Variants in CSMD3 observed in about 807,000 individuals in gnomAD.
CSMD3 encodes the protein CUB and sushi domain-containing protein 3.
CSMD3 carries 177 observed loss-of-function variants against 435.2 expected under a neutral mutation model. That is an observed-to-expected ratio of 0.41 (90% CI 0.36 to 0.46). The LOEUF is 0.46. Ranked by LOEUF, CSMD3 falls within the 20% of genes least tolerant of loss-of-function variation. The pLI is 0.34. For synonymous variants in CSMD3, 1,656 were observed against 1,520.5 expected, an observed-to-expected ratio of 1.09 and a Z score of -2.07; for missense variants, 4,265 against 4,504.6, an observed-to-expected ratio of 0.95 and a Z score of 1.52.
At chr8:112,350,256 A>C (rs947789100) in intron 40 of CSMD3, among the ~76,000 whole-genome samples, 2 of 150,440 alleles carry the variant, frequency 1.3e-5, no homozygotes, top group African/African-American at 4.9e-5. Flanking sequence ...TGCAGAGTTA[A>C]GTCACACAAG....
At chr8:112,684,189 AT>A in intron 15 of CSMD3, among the ~76,000 whole-genome samples, 1 of 152,158 alleles carries the variant, frequency 6.6e-6, no homozygotes, top group South Asian at 2.1e-4. Context: ...ATAGATGCAT[AT>A]ACATGTCTAT....
At position 112,708,735 on chromosome 8, in the gene CSMD3, C is replaced by CAA. The variant is rs11393725; in HGVS notation, c.1973-18687_1973-18686dup. ...AGGACGATAGAGCAAAAAAAACCTACAAAAAAAAATCCAGGGAACTAAACC... is the reference window on the plus strand; with the variant it reads ...AGGACGATAGAGCAAAAAAAACCTACAAAAAAAAAAATCCAGGGAACTAAACC... On this transcript the variant is annotated intron_variant, in intron 13 of 70. Transcript: ENST00000297405. Among the ~76,000 whole-genome samples the CAA allele has an allele frequency of 2.2e-3, 303 of 140,348 alleles. 1 individual carries two copies. The highest frequency in any genetic ancestry group is 3.7e-3 in the Non-Finnish European group (238 of 64,586). 92.1% of individuals were successfully genotyped at this position (140,348 alleles called of 152,430 possible).
intron 35 of CSMD3, among the ~76,000 whole-genome samples, chr8:112,405,232 T>TACACAC (rs1563904527): frequency 1.9e-5 from 2 of 105,366 alleles, no homozygotes; most frequent in East Asian, 5.3e-4. Flanking sequence ...TATATATATA[T>TACACAC]ATATATATAT....
chr8:113,140,990 C>T (rs964213683), intron 4 of CSMD3, among the ~76,000 whole-genome samples: 1 of 150,348 alleles, frequency 6.7e-6, no homozygotes, highest in Non-Finnish European at 1.5e-5. Context: ...AAATTATTGA[C>T]ATAAGGAATG....
intron 1 of CSMD3, among the ~76,000 whole-genome samples, chr8:113,426,454 C>A (rs528631447): frequency 6.7e-6 from 1 of 150,274 alleles, no homozygotes; most frequent in South Asian, 2.1e-4. Context: ...CTCAAATATC[C>A]TTCAAATAAG....
At chr8:112,408,632 C>T (rs1832065756) in intron 33 of CSMD3, among the ~76,000 whole-genome samples, 1 of 151,830 alleles carries the variant, frequency 6.6e-6, no homozygotes, top group African/African-American at 2.4e-5. Context: ...TACATATTGC[C>T]TCATTCTTCA....
At chr8:112,547,786 CAGAGA>C (rs1433584406) in intron 27 of CSMD3, among the ~76,000 whole-genome samples, 2 of 151,130 alleles carry the variant, frequency 1.3e-5, no homozygotes, top group Admixed American at 6.6e-5. Flanking sequence ...TGGAAAGCAG[CAGAGA>C]GAGAGAGAGT....
At chr8:113,131,975 G>A (rs933266957) in intron 4 of CSMD3, among the ~76,000 whole-genome samples, 3 of 152,144 alleles carry the variant, frequency 2.0e-5, no homozygotes, top group African/African-American at 4.8e-5. Flanking sequence ...TATGAGACAT[G>A]GAGTCAAAGG....
At chr8:113,421,588 T>A (rs1245353841) in intron 1 of CSMD3, among the ~76,000 whole-genome samples, 1 of 152,144 alleles carries the variant, frequency 6.6e-6, no homozygotes, top group East Asian at 1.9e-4. Context: ...CCCTGAAAGT[T>A]TGGCACTTTG....
chr8:112,685,814 G>C, intron 14 of CSMD3, 82 bp from the exon 15 acceptor site: 3 of 882,710 alleles, frequency 3.4e-6, no homozygotes, highest in Non-Finnish European at 5.5e-6. Flanking sequence ...CTACAATTAT[G>C]ATAATCAATT....
intron 9 of CSMD3, among the ~76,000 whole-genome samples, chr8:112,939,416 C>T (rs1038417681): frequency 6.6e-6 from 1 of 152,022 alleles, no homozygotes; most frequent in Non-Finnish European, 1.5e-5. Context: ...GTTCATGAGT[C>T]TGAGATAATC....
intron 52 of CSMD3, among the ~76,000 whole-genome samples, chr8:112,303,979 A>C (rs1821171063): frequency 6.6e-6 from 1 of 152,172 alleles, no homozygotes; most frequent in South Asian, 2.1e-4. Context: ...ACAGACAATA[A>C]ATGAATGTAA....
At chr8:112,933,642 T>C (rs112378195) in intron 9 of CSMD3, among the ~76,000 whole-genome samples, 5,134 of 152,274 alleles carry the variant, frequency 0.034, 145 homozygotes, top group Middle Eastern at 0.051. Flanking sequence ...TGTAAACTGC[T>C]ACCTTAAAGT....
rs566055851 is a variant in CSMD3, at chr8:112,224,211, C to T, written c.*560G>A. The T allele has an allele frequency of 3.2e-5, 5 of 154,468 alleles. No homozygotes were observed. Among genetic ancestry groups the T allele is most frequent in the South Asian group, 2.0e-4 (1 of 5,038 alleles). 9.6% of individuals were successfully genotyped at this position (154,468 alleles called of 1,614,324 possible). ...TTGGAATGGGAAACCTTATGTCTTC[C>T]GAGGCATAAACTAGCTCATAAACAT... On this transcript the variant is annotated 3_prime_UTR_variant, in exon 71 of 71. Coordinates refer to ENST00000297405, the MANE Select transcript of CSMD3 (RefSeq NM_198123.2).
At position 113,381,820 on chromosome 8, in the gene CSMD3, A is replaced by G. The variant is rs543349060; in HGVS notation, c.178+54857T>C. On this transcript the variant is annotated intron_variant, in intron 1 of 70. Transcript: ENST00000297405. ...AAAGAAAATAACTCATAATCCCACC[A>G]TACAGAGATAACCTATGCTACTATT... Among the ~76,000 whole-genome samples the G allele has an allele frequency of 1.1e-3, 165 of 152,292 alleles. 1 individual carries two copies. The highest frequency in any genetic ancestry group is 1.9e-3 in the Non-Finnish European group (130 of 68,004).
chr8:113,176,025 A>C (rs2092342027), intron 3 of CSMD3, among the ~76,000 whole-genome samples: 1 of 152,212 alleles, frequency 6.6e-6, no homozygotes, highest in Middle Eastern at 3.4e-3. Context: ...CCTAAAGCAA[A>C]ATGGAAATCA....
chr8:112,812,562 C>A (rs1288829291), intron 12 of CSMD3, among the ~76,000 whole-genome samples: 2 of 152,148 alleles, frequency 1.3e-5, no homozygotes, highest in East Asian at 3.9e-4. Context: ...TTAATAAACT[C>A]ACTTCTGCTC....
chr8:112,865,155 C>A (rs904084193), intron 10 of CSMD3, among the ~76,000 whole-genome samples: 2 of 152,126 alleles, frequency 1.3e-5, no homozygotes, highest in Non-Finnish European at 2.9e-5. Flanking sequence ...TTGGAAAATG[C>A]CTAGGAATAA....
chr8:113,260,339 G>A (rs545788030), intron 3 of CSMD3, among the ~76,000 whole-genome samples: 11 of 152,044 alleles, frequency 7.2e-5, no homozygotes, highest in Admixed American at 5.3e-4. Flanking sequence ...ATGGCAACAC[G>A]TTTTGTTCAG....
Sources: allele counts gnomAD v4.1 joint callset (sites outside exome capture counted in the v4.1 genomes callset), GRCh38; gene constraint gnomAD v4.1.1; transcripts MANE v1.5; gene names NCBI Gene and HGNC (gene_info 2026-07-23, HGNC 2026-07-21).